The following CPB1 variants were observed in gnomAD, a reference collection of about 807,000 sequenced individuals.
The protein encoded by CPB1 is carboxypeptidase B1.
Under a neutral mutation model 51.4 loss-of-function variants are expected in CPB1, and 53 were observed. The observed-to-expected ratio is 1.03, with a 90% CI of 0.83 to 1.30. The LOEUF (loss-of-function observed/expected upper bound fraction) is 1.30. CPB1 is among the 50% of genes most tolerant of loss of function. The probability of loss-of-function intolerance (pLI) is 0.00; values close to 1 mark genes in which losing one functional copy is unlikely to be tolerated. For synonymous variants in CPB1, 189 were observed against 186.9 expected (o/e 1.01, Z -0.09); for missense variants, 494 against 516.2 (o/e 0.96, Z 0.42).
At chr3:148,835,110 G>A (rs1157060897) in intron 3 of CPB1, among the ~76,000 whole-genome samples, 2 of 152,088 alleles carry the variant, frequency 1.3e-5, no homozygotes, top group Non-Finnish European at 2.9e-5. Flanking sequence ...TATCTCTAAT[G>A]GTAGGAGAAG....
chr3:148,849,755 A>G (rs959002455), intron 9 of CPB1, among the ~76,000 whole-genome samples: 1 of 152,252 alleles, frequency 6.6e-6, no homozygotes, highest in Non-Finnish European at 1.5e-5. Flanking sequence ...ACAGAATGTT[A>G]TGCCTAGAAA....
intron 9 of CPB1, chr3:148,856,578 T>A (rs1042992140): frequency 6.6e-6 from 1 of 152,204 alleles, no homozygotes; most frequent in African/African-American, 2.4e-5. Flanking sequence ...TCTCCTGCAG[T>A]AAATAATTTG....
intron 2 of CPB1, among the ~76,000 whole-genome samples, chr3:148,832,889 C>T (rs1191796410): frequency 2.6e-5 from 4 of 152,132 alleles, no homozygotes; most frequent in African/African-American, 9.7e-5. Context: ...TGGTCAGCTA[C>T]AGATACATGG....
At chr3:148,844,370 G>C in intron 6 of CPB1, 108 bp from the exon 7 acceptor site, 8 of 722,638 alleles carry the variant, frequency 1.1e-5, no homozygotes, top group Non-Finnish European at 1.9e-5. Context: ...CACCTCAATA[G>C]GAAATGCTGC....
chr3:148,837,552 A>T (rs1712940682), intron 3 of CPB1, among the ~76,000 whole-genome samples: 1 of 151,872 alleles, frequency 6.6e-6, no homozygotes, highest in South Asian at 2.1e-4. Flanking sequence ...AATACTATAC[A>T]TGCTTCTCTA....
chr3:148,840,808 A>G (rs150092649), intron 4 of CPB1, 23 bp downstream of exon 4: 4 of 1,613,526 alleles, frequency 2.5e-6, no homozygotes, highest in Non-Finnish European at 2.5e-6. Context: ...CATGATTTAG[A>G]CAGATATTAC....
intron 10 of CPB1, among the ~76,000 whole-genome samples, chr3:148,859,500 A>T (rs1399143394): frequency 1.3e-5 from 2 of 152,256 alleles, no homozygotes; most frequent in Admixed American, 1.3e-4. Flanking sequence ...TTCCTGAGAG[A>T]TACACATCCT....
At chr3:148,851,813 C>T (rs1360613702) in intron 9 of CPB1, 2 of 152,148 alleles carry the variant, frequency 1.3e-5, no homozygotes, top group African/African-American at 4.8e-5. Flanking sequence ...GGGGCAAGGG[C>T]CAATCAATGA....
At position 148,845,406 on chromosome 3, in the gene CPB1, C is replaced by A. The variant is rs1021160092; in HGVS notation, c.779-18C>A. 4 of 1,610,298 alleles carry A rather than the reference C, an allele frequency of 2.5e-6. No homozygotes were observed. Among genetic ancestry groups the A allele is most frequent in the Non-Finnish European group, 3.4e-6 (4 of 1,176,680 alleles). On this transcript the variant is annotated intron_variant, in intron 8 of 10. Transcript: ENST00000282957. ...TTCACTAGGTGATCCTTGCCATTAACATCATATGTTTTTCCAGAAATTGGA... is the reference window on the plus strand; with the variant it reads ...TTCACTAGGTGATCCTTGCCATTAAAATCATATGTTTTTCCAGAAATTGGA...
intron 2 of CPB1, among the ~76,000 whole-genome samples, chr3:148,833,960 T>A (rs933869149): frequency 7.2e-5 from 11 of 151,942 alleles, no homozygotes; most frequent in African/African-American, 2.7e-4. Context: ...ACAGTGTCAA[T>A]ATACCCATTG....
chr3:148,846,267 A>G (rs1713234698), intron 9 of CPB1, among the ~76,000 whole-genome samples: 1 of 152,172 alleles, frequency 6.6e-6, no homozygotes, highest in African/African-American at 2.4e-5. Context: ...TAATCACTTG[A>G]GCAGCTAAAT....
rs141040559 is a variant in CPB1, at chr3:148,849,490, T to C, written c.981+3864T>C. ...AACTGGGAGAAAAGGCTCTCAAACC[T>C]AGCCATATGGCTGCACTTATTGGGC... On this transcript the variant is annotated intron_variant, in intron 9 of 10. Transcript: ENST00000282957. Among the ~76,000 whole-genome samples the C allele has an allele frequency of 2.2e-3, 340 of 152,330 alleles. 11 individuals are homozygous for C. The East Asian group carries it at 0.049, about 22-fold the overall frequency.
chr3:148,857,070 T>TTTTTG (rs1713590346), intron 9 of CPB1: 2 of 45,378 alleles, frequency 4.4e-5, no homozygotes, highest in Admixed American at 4.3e-4. Context: ...GTGTTTTTTT[T>TTTTTG]TTTTTTTTTT....
intron 9 of CPB1, among the ~76,000 whole-genome samples, chr3:148,846,459 T>C (rs1301543733): frequency 6.6e-6 from 1 of 151,888 alleles, no homozygotes; most frequent in African/African-American, 2.4e-5. Flanking sequence ...AAAAAAAATG[T>C]ATTCCATTTA....
chr3:148,845,020 T>C (rs144847952), intron 8 of CPB1, among the ~76,000 whole-genome samples: 1 of 152,030 alleles, frequency 6.6e-6, no homozygotes, highest in Non-Finnish European at 1.5e-5. Context: ...CTACTACTCA[T>C]GGAATGTATA....
chr3:148,846,795 G>GTGTGTGTGTGTA (rs1371825496), intron 9 of CPB1, among the ~76,000 whole-genome samples: 3 of 40,486 alleles, frequency 7.4e-5, no homozygotes, highest in African/African-American at 2.5e-4. Flanking sequence ...GTGTGTGCGT[G>GTGTGTGTGTGTA]TGTATATATA....
chr3:148,849,012 CT>C (rs1266859977), intron 9 of CPB1, among the ~76,000 whole-genome samples: 1 of 3,306 alleles, frequency 3.0e-4, no homozygotes, highest in Non-Finnish European at 4.1e-4. Flanking sequence ...GTGTAGACCT[CT>C]TTTTTTTTTT....
intron 3 of CPB1, among the ~76,000 whole-genome samples, chr3:148,837,480 G>GA (rs35691600): frequency 0.3 from 28,363 of 95,456 alleles, 3,114 homozygotes; most frequent in Middle Eastern, 0.43. Flanking sequence ...TTGTGTGTTA[G>GA]AAAAAAAAAA....
In CPB1 at chr3:148,841,439, A is replaced by G. The variant is rs149324937; in HGVS notation, c.475-384A>G. ...GACAGGGAATAAGTGAGAGAGTAGTAAAAATTCTTACAAGATTAGCGACAA... is the reference window on the plus strand; with the variant it reads ...GACAGGGAATAAGTGAGAGAGTAGTGAAAATTCTTACAAGATTAGCGACAA... On this transcript the variant is annotated intron_variant, in intron 5 of 10. Transcript: ENST00000282957. Among the ~76,000 whole-genome samples the G allele has an allele frequency of 8.6e-3, 1,308 of 152,336 alleles. 10 individuals carry two copies. Among genetic ancestry groups the G allele is most frequent in the Non-Finnish European group, 0.015 (1,000 of 68,032 alleles).
Sources: gnomAD v4.1 joint callset for allele counts (sites outside exome capture counted in the v4.1 genomes callset) on GRCh38, gnomAD v4.1.1 for gene constraint, MANE v1.5 for transcripts, NCBI Gene and HGNC (gene_info 2026-07-23, HGNC 2026-07-21) for gene names.